The following CLHC1 variants were observed in gnomAD, a reference collection of about 807,000 sequenced individuals.
The protein encoded by CLHC1 is clathrin heavy chain linker domain containing 1.
CLHC1 carries 72 observed loss-of-function variants against 69.5 expected under a neutral mutation model. The ratio of observed to expected loss-of-function variants is 1.04; its 90% confidence interval spans 0.86 to 1.26. The LOEUF is 1.26. CLHC1 is among the 50% of genes most tolerant of loss of function. The pLI is 0.00. For missense variants in CLHC1, 790 were observed against 679.3 expected (o/e 1.16, Z -1.81); for synonymous variants, 223 against 224.3 (o/e 0.99, Z 0.05).
chr2:55,176,083 A>T, intron 12 of CLHC1, 97 bp from the exon 13 acceptor site: 4 of 991,256 alleles, frequency 4.0e-6, no homozygotes, highest in Non-Finnish European at 6.0e-6. Flanking sequence ...ATTTCAACTC[A>T]GTTACTGTTA....
intron 9 of CLHC1, among the ~76,000 whole-genome samples, chr2:55,199,835 G>A (rs1671769711): frequency 6.6e-6 from 1 of 152,058 alleles, no homozygotes; most frequent in African/African-American, 2.4e-5. Context: ...AGAAGGAAGA[G>A]AAGACCATAA....
chr2:55,221,289 G>T (rs1001322451), intron 3 of CLHC1, among the ~76,000 whole-genome samples: 3 of 152,144 alleles, frequency 2.0e-5, no homozygotes, highest in African/African-American at 7.2e-5. Context: ...GAAAAAAAAA[G>T]CTGCATAAAT....
At chr2:55,189,500 A>G (rs1375687618) in intron 9 of CLHC1, among the ~76,000 whole-genome samples, 1 of 152,240 alleles carries the variant, frequency 6.6e-6, no homozygotes, top group Non-Finnish European at 1.5e-5. Flanking sequence ...AAAAAGATCA[A>G]GGTGAACCCA....
At chr2:55,216,859 C>A (rs896221596) in intron 4 of CLHC1, among the ~76,000 whole-genome samples, 2 of 151,902 alleles carry the variant, frequency 1.3e-5, no homozygotes, top group African/African-American at 2.4e-5. Flanking sequence ...TTCAATTATA[C>A]TAAGAGGGCC....
intron 9 of CLHC1, among the ~76,000 whole-genome samples, chr2:55,190,035 C>T (rs1670768399): frequency 6.6e-6 from 1 of 152,038 alleles, no homozygotes; most frequent in Non-Finnish European, 1.5e-5. Context: ...AAATTCAGCA[C>T]CATTAAGGTA....
intron 5 of CLHC1, among the ~76,000 whole-genome samples, chr2:55,210,972 G>C (rs72797572): frequency 0.063 from 9,550 of 152,112 alleles, 422 homozygotes; most frequent in Admixed American, 0.13. Flanking sequence ...AGTATTACAG[G>C]CATGAGCCAC....
chr2:55,207,723 GA>G (rs1311630876), intron 8 of CLHC1, among the ~76,000 whole-genome samples: 1 of 152,016 alleles, frequency 6.6e-6, no homozygotes, highest in Non-Finnish European at 1.5e-5. Context: ...ACTGTGAGGG[GA>G]AAAAAGGAGG....
intron 6 of CLHC1, 49 bp from the exon 7 acceptor site, chr2:55,209,565 G>A: frequency 1.9e-6 from 3 of 1,578,634 alleles, no homozygotes; most frequent in Non-Finnish European, 2.6e-6. Flanking sequence ...AAATCAAATG[G>A]TGGAATATTA....
intron 5 of CLHC1, among the ~76,000 whole-genome samples, chr2:55,211,519 A>G (rs988967190): frequency 7.2e-5 from 11 of 151,868 alleles, no homozygotes; most frequent in East Asian, 1.9e-4. Context: ...AAAAAAAAAA[A>G]AAAGAAAGTG....
Position 55,180,541 on chromosome 2 carries a change from C to T in CLHC1, c.1353G>A (p.Glu451=), listed in dbSNP as rs1376304799. 1 of 1,614,030 alleles carries T rather than the reference C, an allele frequency of 6.2e-7. No individual in the cohort carries two copies. ...CKQGQTHRVM[E]YIQQLKDFTT... is the part of the protein sequence containing the mutation. ...TAAAGTCCTTCAACTGCTGTATGTA[C>T]TCCATGACCCTATGAGTCTGACCCT... is the stretch of plus-strand genomic sequence containing the variant. The change falls in exon 11 of 13, where the codon GAG becomes GAA. Residue 451 remains glutamate, a synonymous_variant. Transcript: ENST00000401408.
At chr2:55,201,792 C>T (rs1431562043) in intron 9 of CLHC1, among the ~76,000 whole-genome samples, 2 of 151,930 alleles carry the variant, frequency 1.3e-5, no homozygotes, top group South Asian at 2.1e-4. Flanking sequence ...CCCAATAACA[C>T]ATTAAAAAAA....
At chr2:55,226,246 A>C (rs1423282359) in intron 2 of CLHC1, among the ~76,000 whole-genome samples, 1 of 152,048 alleles carries the variant, frequency 6.6e-6, no homozygotes, top group East Asian at 1.9e-4. Context: ...TGTCCAACTG[A>C]AGTTGGATAC....
intron 10 of CLHC1, 87 bp from the exon 11 acceptor site, chr2:55,180,799 G>A (rs10183953): frequency 0.96 from 973,715 of 1,010,560 alleles, 469,564 homozygotes; most frequent in Admixed American, 0.98. Context: ...AGCACAGTAG[G>A]ACTGGATTTT....
At chr2:55,229,096 G>C (rs557755519) in intron 1 of CLHC1, among the ~76,000 whole-genome samples, 16 of 144,344 alleles carry the variant, frequency 1.1e-4, no homozygotes, top group Non-Finnish European at 2.1e-4. Flanking sequence ...GGTTGCAGTG[G>C]GCTAAGATCA....
chr2:55,205,423 G>A (rs113962964), intron 9 of CLHC1, among the ~76,000 whole-genome samples: 29 of 73,176 alleles, frequency 4.0e-4, no homozygotes, highest in Middle Eastern at 6.8e-3. Flanking sequence ...ACACACACAC[G>A]CACACACACA....
chr2:55,176,075 T>A lies in CLHC1; in HGVS notation c.1565-89A>T. 8 of 1,052,656 alleles carry A rather than the reference T, an allele frequency of 7.6e-6. No individual in the cohort carries two copies. In the South Asian group the frequency reaches 1.3e-4, roughly 17 times the overall value. The allele number at this position is 1,052,656 out of a possible 1,614,324, so 65.2% of individuals were successfully genotyped here. Reference sequence around the variant, plus strand: ...CTTCAAAAATAGAAAAGGACATAATTTCAACTCAGTTACTGTTAAACTCTA... The same window carrying A: ...CTTCAAAAATAGAAAAGGACATAATATCAACTCAGTTACTGTTAAACTCTA... On this transcript the variant is annotated intron_variant, in intron 12 of 12. Transcript: ENST00000401408.
At position 55,224,157 on chromosome 2, in the gene CLHC1, G is replaced by C. The variant is rs1573783815; in HGVS notation, c.-82-1664C>G. On this transcript the variant is annotated intron_variant, in intron 2 of 12. Coordinates refer to ENST00000401408, the MANE Select transcript of CLHC1 (RefSeq NM_152385.4). ...CTGGAGTTGCATTTGGGGTCACCCAGCGGCGAAGCCCATACAACTTGATAC... is the reference window on the plus strand; with the variant it reads ...CTGGAGTTGCATTTGGGGTCACCCACCGGCGAAGCCCATACAACTTGATAC... The C allele has an allele frequency of 1.5e-5, 3 of 193,952 alleles. No individual in the cohort carries two copies. The South Asian group carries it at 2.2e-4, about 14-fold the overall frequency. 12.0% of individuals were successfully genotyped at this position (193,952 alleles called of 1,614,324 possible).
chr2:55,230,387 A>C (rs558274391), intron 1 of CLHC1, among the ~76,000 whole-genome samples: 2 of 152,244 alleles, frequency 1.3e-5, no homozygotes, highest in South Asian at 4.1e-4. Flanking sequence ...GAGCAATTTC[A>C]TGAGATTAAG....
chr2:55,222,660 C>CT (rs1553358853), intron 2 of CLHC1, among the ~76,000 whole-genome samples, 167 bp from the exon 3 acceptor site: 5 of 152,130 alleles, frequency 3.3e-5, no homozygotes, highest in Non-Finnish European at 4.4e-5. Flanking sequence ...TGGCTCATGC[C>CT]TGTAATCCCA....
Sources: gnomAD v4.1 joint callset for allele counts (sites outside exome capture counted in the v4.1 genomes callset) on GRCh38, gnomAD v4.1.1 for gene constraint, MANE v1.5 for transcripts, NCBI Gene and HGNC (gene_info 2026-07-23, HGNC 2026-07-21) for gene names.